The following SPG11 variants were observed in gnomAD, a reference collection of about 807,000 sequenced individuals.
The protein encoded by SPG11 is spatacsin.
Under a neutral mutation model 274.0 loss-of-function variants are expected in SPG11, and 222 were observed. The observed-to-expected ratio is 0.81, with a 90% CI of 0.73 to 0.91. The LOEUF is 0.91. Ranked by LOEUF, SPG11 falls within the 40% of genes least tolerant of loss-of-function variation. The pLI is 0.00. For synonymous variants in SPG11, 1,144 were observed against 1,039.7 expected (o/e 1.10, Z -1.93); for missense variants, 3,114 against 2,872.7 (o/e 1.08, Z -1.92).
chr15:44,584,515 G>T lies in SPG11; in HGVS notation c.5165C>A (p.Ser1722Ter). ...GAAGTCAATTCTTGCTTGTTTTAGT[G>T]ACCACTGTTCAATGTGTTTTAGGGT... is the stretch of plus-strand genomic sequence containing the variant. Reference protein sequence around the residue: ...MQTLKHIEQWSLKQARIDFWK... With the variant: ...MQTLKHIEQW The change falls in exon 30 of 40, where the codon TCA becomes TAA. Residue 1722 changes from serine to a stop codon, truncating the protein, a stop_gained. Transcript: ENST00000261866. LOFTEE classifies it high-confidence loss of function. The T allele has an allele frequency of 1.2e-6, 2 of 1,613,198 alleles. No homozygotes were observed. The highest frequency in any genetic ancestry group is 2.2e-5 in the South Asian group (2 of 91,050).
At position 44,660,388 on chromosome 15, in the gene SPG11, G is replaced by A. The variant is rs775973813; in HGVS notation, c.442+44C>T. 4.5e-6 allele frequency: 7 copies of A among 1,567,928 alleles called. No homozygotes were observed. In the South Asian group the frequency reaches 5.5e-5, roughly 12 times the overall value. On this transcript the variant is annotated intron_variant, in intron 2 of 39. Coordinates refer to ENST00000261866, the MANE Select transcript of SPG11 (RefSeq NM_025137.4). ...CTGAAGTATGTAACTACATGGTAAT[G>A]TCACAAATTTAAATATGCTGAAAGA...
chr15:44,583,875 T>C lies in SPG11; in HGVS notation c.5805A>G (p.Leu1935=). ...EDLHPEIHAL[L]QSAELLEEEA... is the part of the protein sequence containing the mutation. Reference sequence around the variant, plus strand: ...CTTCCTCAAGCAGCTCAGCACTTTGTAGGAGAGCATGGATCTCTGGGTGCA... The same window carrying C: ...CTTCCTCAAGCAGCTCAGCACTTTGCAGGAGAGCATGGATCTCTGGGTGCA... Residue 1935 remains leucine, a synonymous_variant, in exon 30 of 40, where the codon CTA becomes CTG. Transcript: ENST00000261866. The C allele has an allele frequency of 1.2e-6, 2 of 1,614,214 alleles. No individual in the cohort carries two copies. The highest frequency in any genetic ancestry group is 2.2e-5 in the East Asian group (1 of 44,884).
Position 44,630,956 on chromosome 15 carries a change from A to AT in SPG11, c.1736-1569dup, listed in dbSNP as rs141606480. On this transcript the variant is annotated intron_variant, in intron 8 of 39. Transcript: ENST00000261866. ...AGAAAAAAAAGAAAACATCCAATTC[A>AT]TTTTCTCAGTGAAAGCTAATACTAC... Among the ~76,000 whole-genome samples, 1,297 of 152,270 alleles carry AT rather than the reference A, an allele frequency of 8.5e-3. 21 individuals are homozygous for AT. The highest frequency in any genetic ancestry group is 0.029 in the African/African-American group (1,205 of 41,528).
intron 4 of SPG11, among the ~76,000 whole-genome samples, chr15:44,654,330 C>A (rs938901150): frequency 6.6e-6 from 1 of 151,588 alleles, no homozygotes; most frequent in Non-Finnish European, 1.5e-5. Context: ...GCCAACATGG[C>A]GAAACCGTTT....
intron 4 of SPG11, among the ~76,000 whole-genome samples, chr15:44,652,499 A>G (rs2084814604): frequency 6.6e-6 from 1 of 152,182 alleles, no homozygotes; most frequent in Non-Finnish European, 1.5e-5. Context: ...CTTACTGTCT[A>G]CTATATTTCA....
At chr15:44,619,704 G>A (rs556970965) in intron 15 of SPG11, among the ~76,000 whole-genome samples, 3 of 151,296 alleles carry the variant, frequency 2.0e-5, no homozygotes, top group Admixed American at 2.0e-4. Context: ...CTACCCACAT[G>A]ATATTAAATG....
chr15:44,651,810 T>G lies in SPG11; in HGVS notation c.1137A>C (p.Thr379=), dbSNP rs760860889. ...GAATGAAGGCCCAGCTCTGCACACT[T>G]GTACTGTGGTTACCAGATTCAGGTG... ...LESPESGNHS[T]SVQSWAFIPQ... is the part of the protein sequence containing the mutation. Residue 379 remains threonine, a synonymous_variant, in exon 6 of 40, where the codon ACA becomes ACC. Coordinates refer to ENST00000261866, the MANE Select transcript of SPG11 (RefSeq NM_025137.4). The G allele has an allele frequency of 3.1e-6, 5 of 1,614,070 alleles. No homozygotes were observed. The South Asian group carries it at 5.5e-5, about 18-fold the overall frequency.
intron 32 of SPG11, chr15:44,573,344 A>C (rs2082463826): frequency 4.6e-6 from 3 of 650,188 alleles, no homozygotes; most frequent in African/African-American, 1.8e-5. Context: ...AAAACAATAA[A>C]AAGCAACAGC....
rs145378493 is a variant in SPG11, at chr15:44,612,301, A to C, written c.3145+1129T>G. 5.7e-3 allele frequency among the ~76,000 whole-genome samples: 863 copies of C among 152,352 alleles called. 10 individuals carry two copies. The highest frequency in any genetic ancestry group is 0.02 in the African/African-American group (828 of 41,578). On this transcript the variant is annotated intron_variant, in intron 17 of 39. Coordinates refer to ENST00000261866, the MANE Select transcript of SPG11 (RefSeq NM_025137.4). The stretch of plus-strand genomic sequence containing the variant: ...TAGAGACTAAGTTTTTAAAAAGTAC[A>C]GTGAAGATAACTGGAACAAAATACA...
At chr15:44,569,770 G>A (rs1307790556) in intron 34 of SPG11, among the ~76,000 whole-genome samples, 2 of 150,758 alleles carry the variant, frequency 1.3e-5, no homozygotes, top group East Asian at 1.9e-4. Flanking sequence ...AGGCTGGAGT[G>A]TAGTGGCACG....
chr15:44,588,294 C>CA (rs200671861), intron 28 of SPG11, among the ~76,000 whole-genome samples: 1,991 of 134,438 alleles, frequency 0.015, 43 homozygotes, highest in East Asian at 0.11. Context: ...GAGGAATCTG[C>CA]AAAAAAAAAA....
At chr15:44,663,033 T>A (rs1206121774) in intron 1 of SPG11, among the ~76,000 whole-genome samples, 1 of 152,196 alleles carries the variant, frequency 6.6e-6, no homozygotes, top group South Asian at 2.1e-4. Flanking sequence ...CTGAAAGAAA[T>A]GGGCATGGGA....
rs1370769153 is a variant in SPG11, at chr15:44,662,177, C to A, written c.257+1214G>T. Reference sequence around the variant, plus strand: ...GTTTATAATAAGTTTATAAACTAAACGCAGAGATTCCTCTTTCGAGCAACT... The same window carrying A: ...GTTTATAATAAGTTTATAAACTAAAAGCAGAGATTCCTCTTTCGAGCAACT... On this transcript the variant is annotated intron_variant, in intron 1 of 39. Coordinates refer to ENST00000261866, the MANE Select transcript of SPG11 (RefSeq NM_025137.4). 2.6e-5 allele frequency among the ~76,000 whole-genome samples: 4 copies of A among 152,184 alleles called. No homozygotes were observed. In the South Asian group the frequency reaches 6.2e-4, roughly 24 times the overall value.
At chr15:44,640,787 G>A (rs530657314) in intron 7 of SPG11, among the ~76,000 whole-genome samples, 3 of 152,150 alleles carry the variant, frequency 2.0e-5, no homozygotes, top group Non-Finnish European at 4.4e-5. Flanking sequence ...CTGAAGTGCA[G>A]TGTCCTGATC....
chr15:44,657,190 TGAA>T lies in SPG11; in HGVS notation c.771_773del (p.Ser258del), dbSNP rs1456199594. 6.2e-7 allele frequency: 1 copy of T among 1,614,028 alleles called. No individual in the cohort carries two copies. Among genetic ancestry groups the T allele is most frequent in the Non-Finnish European group, 8.5e-7 (1 of 1,180,026 alleles). On this transcript the variant is annotated inframe_deletion, in exon 4 of 40. Coordinates refer to ENST00000261866, the MANE Select transcript of SPG11 (RefSeq NM_025137.4). The stretch of plus-strand genomic sequence containing the variant: ...CTTGAGAAACTTTCAGTGAAGTAAA[TGAA>T]GAAATCTTGGCTGGCTCCTGTTGCT...
chr15:44,637,805 T>G (rs2084322617), intron 7 of SPG11, among the ~76,000 whole-genome samples: 1 of 152,166 alleles, frequency 6.6e-6, no homozygotes, highest in South Asian at 2.1e-4. Context: ...ATGTACTCCT[T>G]ATTTCTTTTT....
At chr15:44,627,402 A>T (rs1221676041) in intron 10 of SPG11, among the ~76,000 whole-genome samples, 1 of 152,180 alleles carries the variant, frequency 6.6e-6, no homozygotes, top group Non-Finnish European at 1.5e-5. Flanking sequence ...CTGTTTTTGA[A>T]GACAGGGTCT....
intron 33 of SPG11, 133 bp downstream of exon 33, chr15:44,572,550 A>C: frequency 1.2e-6 from 1 of 868,472 alleles, no homozygotes; most frequent in Non-Finnish European, 1.9e-6. Context: ...TTCTACCAAG[A>C]ACTTATAACT....
In SPG11 at chr15:44,633,679, T is replaced by C. The variant is rs147081155; in HGVS notation, c.1603-42A>G. The C allele has an allele frequency of 2.3e-5, 36 of 1,592,150 alleles. No homozygotes were observed. The African/African-American group carries it at 3.0e-4, about 13-fold the overall frequency. On this transcript the variant is annotated intron_variant, in intron 7 of 39. Transcript: ENST00000261866. ...AATAAAAATCAGAAAAAAATTACAA[T>C]AGGAAAAAAAAATCAGGATTCAGAT...
Sources: gnomAD v4.1 joint callset for allele counts (sites outside exome capture counted in the v4.1 genomes callset) on GRCh38, gnomAD v4.1.1 for gene constraint, MANE v1.5 for transcripts, NCBI Gene and HGNC (gene_info 2026-07-23, HGNC 2026-07-21) for gene names.